Variants in MCF2L observed in about 807,000 individuals in gnomAD.
MCF2L encodes guanine nucleotide exchange factor DBS.
In MCF2L, 97 loss-of-function variants were observed where a neutral mutation model predicts 153.4. The ratio of observed to expected loss-of-function variants is 0.63; its 90% CI spans 0.54 to 0.75. The LOEUF (loss-of-function observed/expected upper bound fraction) is 0.75. Among genes scored for constraint, MCF2L ranks in the 30% least tolerant of loss-of-function variants. The pLI is 0.00. For synonymous variants in MCF2L, 659 were observed against 632.2 expected (o/e 1.04, Z -0.64); for missense variants, 1,347 against 1,495.2 (o/e 0.90, Z 1.64).
At chr13:113,078,162 G>A (rs927158975) in intron 13 of MCF2L, among the ~76,000 whole-genome samples, 4 of 149,730 alleles carry the variant, frequency 2.7e-5, no homozygotes, top group African/African-American at 4.9e-5. Context: ...TCCTGCCCAC[G>A]CCACCACCTG....
chr13:112,914,015 G>A (rs560894543), intron 2 of MCF2L, among the ~76,000 whole-genome samples: 1 of 152,286 alleles, frequency 6.6e-6, no homozygotes, highest in African/African-American at 2.4e-5. Context: ...TTCCCCGTTA[G>A]CATCCCCAGC....
Position 112,922,316 on chromosome 13 carries a change from C to A in MCF2L, c.169+19945C>A, listed in dbSNP as rs377519957. Among the ~76,000 whole-genome samples the A allele has an allele frequency of 1.2e-4, 18 of 152,316 alleles. No homozygotes were observed. The East Asian group carries it at 2.5e-3, about 21-fold the overall frequency. On this transcript the variant is annotated intron_variant, in intron 2 of 29. Coordinates refer to the MCF2L transcript ENST00000375608. The stretch of plus-strand genomic sequence containing the variant: ...GCAAGCCAGATTATTCCACACAGAA[C>A]GTCTTCCAGATCTCTAAAGATCATA...
rs752687768 is a variant in MCF2L at position 113,089,664 on chromosome 13, C to T, written c.2889C>T (p.Asp963=). Residue 963 remains aspartate (D), a synonymous_variant, in exon 26 of 30, where the codon GAC becomes GAT. Transcript: ENST00000535094. ...AGAAGCTGGAAGAAAGGAAAACAGA[C>T]CCCCTAAGCCTGGAGGGATACGTCA... ...NIKKLEERKT[D]PLSLEGYVSS... is the part of the protein sequence containing the mutation. The T allele has an allele frequency of 6.2e-7, 1 of 1,613,954 alleles. No individual in the cohort carries two copies. The highest frequency in any genetic ancestry group is 1.1e-5 in the South Asian group (1 of 91,078).
At chr13:112,894,500 A>C (rs1297486924) in intron 1 of MCF2L, 1 of 151,558 alleles carries the variant, frequency 6.6e-6, no homozygotes, top group Non-Finnish European at 1.5e-5. Flanking sequence ...GGAGCCGGGC[A>C]GGAAGCGTCG....
intron 20 of MCF2L, among the ~76,000 whole-genome samples, chr13:113,085,471 G>A (rs540142022): frequency 2.9e-4 from 44 of 152,318 alleles, no homozygotes; most frequent in African/African-American, 9.9e-4. Flanking sequence ...AGCCGTGCCC[G>A]GATTATCTGG....
At chr13:113,026,235 T>C in intron 3 of MCF2L, among the ~76,000 whole-genome samples, 1 of 151,956 alleles carries the variant, frequency 6.6e-6, no homozygotes, top group Non-Finnish European at 1.5e-5. Flanking sequence ...CAGGCTGGGG[T>C]CCCCGTGACT....
At chr13:113,069,973 C>G (rs2032721615) in intron 8 of MCF2L, 86 bp from the exon 9 acceptor site, 2 of 850,096 alleles carry the variant, frequency 2.4e-6, no homozygotes, top group Non-Finnish European at 1.9e-6. Flanking sequence ...GGAGATGAGC[C>G]TTGGGGTCGC....
Position 113,074,467 on chromosome 13 carries a change from G to T in MCF2L, c.1020G>T (p.Ala340=). ...FREVKAILDA[A]SQKIATFTDI... ...AGGTCAAAGCCATCTTGGACGCAGC[G>T]TCCCAGAAGATAGCAACCTTCACAG... is the stretch of plus-strand genomic sequence containing the variant. Residue 340 remains alanine, a synonymous_variant, in exon 10 of 30, where the codon GCG becomes GCT. Transcript: ENST00000535094. This position sits in a 1 kb window ranked among gnomAD's most constrained non-coding sequence, Gnocchi z 4.2. The T allele has an allele frequency of 6.2e-7, 1 of 1,613,744 alleles. No individual in the cohort carries two copies. Among genetic ancestry groups the T allele is most frequent in the South Asian group, 1.1e-5 (1 of 91,068 alleles).
chr13:112,944,539 ATCTG>A (rs1369869594), intron 2 of MCF2L, among the ~76,000 whole-genome samples: 7 of 148,890 alleles, frequency 4.7e-5, no homozygotes, highest in Non-Finnish European at 1.0e-4. Context: ...AGAGCTGTCA[ATCTG>A]TCAGTCCTGT....
chr13:112,963,306 T>C (rs984269168), intron 2 of MCF2L, among the ~76,000 whole-genome samples: 21 of 152,238 alleles, frequency 1.4e-4, no homozygotes, highest in African/African-American at 5.1e-4. Context: ...AGATTCCTTC[T>C]CCTCCTCTGG....
chr13:112,995,115 A>G (rs2083070394), intron 1 of MCF2L, among the ~76,000 whole-genome samples: 1 of 152,014 alleles, frequency 6.6e-6, no homozygotes, highest in Admixed American at 6.5e-5. Context: ...TCTCCTCTCC[A>G]GGATGCGGCT....
rs1434644263 is a variant in MCF2L at position 113,082,464 on chromosome 13, ACCT to A, written c.1917_1919del (p.Leu640del). 3.7e-6 allele frequency: 6 copies of A among 1,613,896 alleles called. No homozygotes were observed. Among genetic ancestry groups the A allele is most frequent in the Non-Finnish European group, 5.1e-6 (6 of 1,179,936 alleles). On this transcript the variant is annotated inframe_deletion, in exon 17 of 30. Transcript: ENST00000535094. Reference sequence around the variant, plus strand: ...GAGATGGATAACCCACTGATGGCTCACCTCCTGTCAACAGGCCTTCACAACAAG... The same window carrying A: ...GAGATGGATAACCCACTGATGGCTCACCTGTCAACAGGCCTTCACAACAAG...
chr13:113,046,898 G>A lies in MCF2L; in HGVS notation c.369+1537G>A, dbSNP rs563910868. On this transcript the variant is annotated intron_variant, in intron 4 of 29. Coordinates refer to ENST00000535094, the MANE Select transcript of MCF2L (RefSeq NM_001112732.3). This position sits in a 1 kb window ranked among gnomAD's most constrained non-coding sequence, Gnocchi z 4.4. ...TAACAGTGCGTTCGTTTGCTTTTGC[G>A]TCACTATAAAGACGTACTTGAGCTG... 6.4e-4 allele frequency: 177 copies of A among 278,494 alleles called. No individual in the cohort carries two copies. The highest frequency in any genetic ancestry group is 1.0e-3 in the Non-Finnish European group (145 of 142,740). The allele number at this position is 278,494 out of a possible 1,614,324, so 17.3% of individuals were successfully genotyped here.
intron 3 of MCF2L, among the ~76,000 whole-genome samples, chr13:113,038,748 CA>C (rs1389656787): frequency 2.6e-5 from 4 of 152,202 alleles, no homozygotes; most frequent in African/African-American, 9.6e-5. Context: ...AATATTAAGA[CA>C]TTATTAAAGT....
chr13:112,971,305 C>T (rs1326418299), intron 1 of MCF2L, among the ~76,000 whole-genome samples: 1 of 152,190 alleles, frequency 6.6e-6, no homozygotes, highest in Non-Finnish European at 1.5e-5. Context: ...AGTTCCCCAC[C>T]TGCAGCCAAA....
chr13:113,039,430 T>C (rs759884934), intron 3 of MCF2L, among the ~76,000 whole-genome samples: 1 of 152,114 alleles, frequency 6.6e-6, no homozygotes, highest in Non-Finnish European at 1.5e-5. Flanking sequence ...AAAGCAGTTA[T>C]CAAAAAAGCA....
intron 2 of MCF2L, among the ~76,000 whole-genome samples, chr13:112,952,980 C>T (rs754049463): frequency 7.9e-5 from 12 of 152,278 alleles, no homozygotes; most frequent in African/African-American, 1.4e-4. Context: ...ACTGTTTACA[C>T]GGGGGGCAGT....
intron 1 of MCF2L, among the ~76,000 whole-genome samples, chr13:113,003,283 G>T (rs1312904733): frequency 1.3e-5 from 2 of 151,446 alleles, no homozygotes; most frequent in Admixed American, 1.3e-4. Context: ...GGGCACCATG[G>T]AAGGCTTCGG....
chr13:113,095,309 G>T, intron 27 of MCF2L: 1 of 1,175,866 alleles, frequency 8.5e-7, no homozygotes, highest in South Asian at 1.6e-5. Flanking sequence ...TGGAAGGGCA[G>T]AGAAGCCAGG....
Sources: allele counts gnomAD v4.1 joint callset (sites outside exome capture counted in the v4.1 genomes callset), GRCh38; gene constraint gnomAD v4.1.1; non-coding constraint Gnocchi (gnomAD v3.1); transcripts MANE v1.5; gene names NCBI Gene and HGNC (gene_info 2026-07-23, HGNC 2026-07-21).